CADM1: variants seen among roughly 807,000 people sequenced by gnomAD.
The protein encoded by CADM1 is TSLC-1.
A neutral mutation model predicts 53.1 loss-of-function variants in CADM1; 15 were observed. That is an observed-to-expected ratio of 0.28 (90% CI 0.19 to 0.44). CADM1 has a LOEUF of 0.44. Ranked by LOEUF, CADM1 falls within the 20% of genes least tolerant of loss-of-function variation. CADM1 has a pLI of 1.00. For synonymous variants in CADM1, 281 were observed against 243.0 expected, an observed-to-expected ratio of 1.16 and a Z score of -1.45; for missense variants, 434 against 611.3, an observed-to-expected ratio of 0.71 and a Z score of 3.06.
chr11:115,486,377 G>T (rs1434514979), intron 1 of CADM1, among the ~76,000 whole-genome samples: 1 of 152,086 alleles, frequency 6.6e-6, no homozygotes, highest in African/African-American at 2.4e-5. Flanking sequence ...TTTGAGACAG[G>T]TCTCACTCTG....
intron 10 of CADM1, among the ~76,000 whole-genome samples, chr11:115,185,753 G>A (rs1939512078): frequency 6.6e-6 from 1 of 152,206 alleles, no homozygotes; most frequent in Non-Finnish European, 1.5e-5. Flanking sequence ...GGAAGGCACT[G>A]AGGATGACAC....
rs1943001379 is a variant in CADM1, at chr11:115,262,364, GTTCGTCCCAT to G, written c.125-21954_125-21945del. Among the ~76,000 whole-genome samples the G allele has an allele frequency of 2.6e-5, 4 of 152,296 alleles. No homozygotes were observed. In the South Asian group the frequency reaches 8.3e-4, roughly 32 times the overall value. ...ACTTCAAAATGTAAGTCATAAGTAT[GTTCGTCCCAT>G]AGAAAACACTGAACACACTTTAAAT... On this transcript the variant is annotated intron_variant, in intron 1 of 11. Transcript: ENST00000331581.
intron 1 of CADM1, among the ~76,000 whole-genome samples, chr11:115,348,287 A>G (rs1945636815): frequency 6.6e-6 from 1 of 152,204 alleles, no homozygotes; most frequent in Non-Finnish European, 1.5e-5. Flanking sequence ...TTGCTAATAA[A>G]GATGGTAAAT....
chr11:115,265,502 C>T (rs1167374662), intron 1 of CADM1, among the ~76,000 whole-genome samples: 1 of 152,204 alleles, frequency 6.6e-6, no homozygotes, highest in African/African-American at 2.4e-5. Context: ...TCTATCCACA[C>T]AGAAAACGCT....
chr11:115,449,335 G>A (rs187339541), intron 1 of CADM1, among the ~76,000 whole-genome samples: 7 of 152,296 alleles, frequency 4.6e-5, no homozygotes, highest in Admixed American at 4.6e-4. Context: ...ATTGTGCTTG[G>A]TATAGCACAG....
intron 1 of CADM1, among the ~76,000 whole-genome samples, chr11:115,283,769 T>C (rs1943647929): frequency 6.6e-6 from 1 of 152,100 alleles, no homozygotes; most frequent in African/African-American, 2.4e-5. Context: ...CTAGGCAAGG[T>C]CTGGGCAAGG....
intron 1 of CADM1, among the ~76,000 whole-genome samples, chr11:115,412,137 C>A (rs1947473743): frequency 6.6e-6 from 1 of 152,110 alleles, no homozygotes; most frequent in Non-Finnish European, 1.5e-5. Context: ...AAAAATGAAT[C>A]CTGAATCTGC....
chr11:115,256,765 A>G, intron 1 of CADM1: 1 of 455,452 alleles, frequency 2.2e-6, no homozygotes, highest in Non-Finnish European at 4.4e-6. Context: ...GGCAATTGCA[A>G]TAGGTTCACA....
intron 1 of CADM1, among the ~76,000 whole-genome samples, chr11:115,248,437 G>A (rs766723312): frequency 6.6e-6 from 1 of 152,196 alleles, no homozygotes; most frequent in Non-Finnish European, 1.5e-5. Flanking sequence ...CCCATAAAAG[G>A]AAGAGGTGCA....
chr11:115,302,116 A>T (rs1372234794), intron 1 of CADM1, among the ~76,000 whole-genome samples: 2 of 152,076 alleles, frequency 1.3e-5, no homozygotes, highest in East Asian at 3.9e-4. Flanking sequence ...ACACACGGAC[A>T]CATAGAGGGG....
chr11:115,174,678 T>C lies in CADM1; in HGVS notation c.*1796A>G, dbSNP rs1015167716. The C allele has an allele frequency of 1.0e-6, 1 of 981,352 alleles. No homozygotes were observed. Among genetic ancestry groups the C allele is most frequent in the Non-Finnish European group, 1.2e-6 (1 of 826,008 alleles). The allele number at this position is 981,352 out of a possible 1,614,324, so 60.8% of individuals were successfully genotyped here. A position where few individuals can be genotyped will look rare whatever the true frequency, so the allele number is the denominator to read the frequency against. ...AAATCAGCATAAGTTTTCCACATAATGTAACAATAGTAAAAATGCACCTTG... is the reference window on the plus strand; with the variant it reads ...AAATCAGCATAAGTTTTCCACATAACGTAACAATAGTAAAAATGCACCTTG... On this transcript the variant is annotated 3_prime_UTR_variant, in exon 12 of 12. Transcript: ENST00000331581.
intron 1 of CADM1, among the ~76,000 whole-genome samples, chr11:115,462,911 G>A (rs1186841090): frequency 6.6e-6 from 1 of 152,060 alleles, no homozygotes; most frequent in African/African-American, 2.4e-5. Context: ...GAAGGAAAGG[G>A]GATGAAGCAG....
chr11:115,266,479 G>A lies in CADM1; in HGVS notation c.125-26059C>T, dbSNP rs564903983. Among the ~76,000 whole-genome samples, 8 of 152,290 alleles carry A rather than the reference G, an allele frequency of 5.3e-5. No homozygotes were observed. In the South Asian group the frequency reaches 1.7e-3, roughly 32 times the overall value. On this transcript the variant is annotated intron_variant, in intron 1 of 11. Coordinates refer to ENST00000331581, the MANE Select transcript of CADM1 (RefSeq NM_001301043.2). ...GCTGGGTTCACAGGCCATCAGCCAC[G>A]CAGGACTGGGCCACAGAGGAGGTTC...
intron 7 of CADM1, 122 bp from the exon 8 acceptor site, chr11:115,209,779 A>G: frequency 8.4e-7 from 1 of 1,186,168 alleles, no homozygotes; most frequent in East Asian, 2.4e-5. Flanking sequence ...CTTTAAAACC[A>G]AAAGTTCTTT....
At chr11:115,500,870 C>T (rs1949712426) in intron 1 of CADM1, among the ~76,000 whole-genome samples, 2 of 152,086 alleles carry the variant, frequency 1.3e-5, no homozygotes, top group South Asian at 4.1e-4. Context: ...AGGCAGTGAG[C>T]CGGGGACCAA....
At chr11:115,213,366 A>G (rs1227898010) in intron 7 of CADM1, among the ~76,000 whole-genome samples, 3 of 152,194 alleles carry the variant, frequency 2.0e-5, no homozygotes, top group Non-Finnish European at 4.4e-5. Context: ...AATTAATGTT[A>G]TTATGTGTGA....
chr11:115,487,005 A>G (rs1027729758), intron 1 of CADM1, among the ~76,000 whole-genome samples: 39 of 152,230 alleles, frequency 2.6e-4, no homozygotes, highest in African/African-American at 8.9e-4. Flanking sequence ...GGAGAATACG[A>G]AGAGAGGAAA....
At chr11:115,281,840 A>T (rs888423263) in intron 1 of CADM1, among the ~76,000 whole-genome samples, 1 of 152,194 alleles carries the variant, frequency 6.6e-6, no homozygotes, top group Non-Finnish European at 1.5e-5. Context: ...GTTTAAAATC[A>T]TAATACTATA....
intron 1 of CADM1, among the ~76,000 whole-genome samples, chr11:115,320,929 T>C (rs1251684027): frequency 6.6e-6 from 1 of 152,172 alleles, no homozygotes; most frequent in African/African-American, 2.4e-5. Context: ...TCTTCCTTTG[T>C]AGCAAAGACA....
Sources: gnomAD v4.1 joint callset for allele counts (sites outside exome capture counted in the v4.1 genomes callset) on GRCh38, gnomAD v4.1.1 for gene constraint, MANE v1.5 for transcripts, NCBI Gene and HGNC (gene_info 2026-07-23, HGNC 2026-07-21) for gene names.